Variants in RGS3 observed in about 807,000 individuals in gnomAD.
RGS3 encodes the protein regulator of G protein signaling 3.
Under a neutral mutation model 132.6 loss-of-function variants are expected in RGS3, and 80 were observed. The ratio of observed to expected loss-of-function variants is 0.60; its 90% CI spans 0.50 to 0.73. The LOEUF is 0.73. Among genes scored for constraint, RGS3 ranks in the 30% least tolerant of loss-of-function variants. The pLI is 0.00. For synonymous variants in RGS3, 598 were observed against 620.6 expected (o/e 0.96, Z 0.54); for missense variants, 1,382 against 1,530.8 (o/e 0.90, Z 1.62).
chr9:113,492,314 C>T (rs1325430371), intron 7 of RGS3, among the ~76,000 whole-genome samples: 1 of 152,198 alleles, frequency 6.6e-6, no homozygotes, highest in Non-Finnish European at 1.5e-5. Context: ...TCTTCATTCT[C>T]TCTGGCTCAG....
In RGS3 at chr9:113,479,418, C is replaced by G. The variant is rs1352994418; in HGVS notation, c.416-73C>G. 4.3e-5 allele frequency: 61 copies of G among 1,414,072 alleles called. 1 individual carries two copies. In the East Asian group the frequency reaches 1.4e-3, roughly 32 times the overall value. 87.6% of individuals were successfully genotyped at this position (1,414,072 alleles called of 1,614,324 possible). A position where few individuals can be genotyped will look rare whatever the true frequency, so the allele number is the denominator to read the frequency against. On this transcript the variant is annotated intron_variant, in intron 3 of 24. Coordinates refer to ENST00000350696, the Ensembl canonical transcript of RGS3. ...CATGAACAAAAGAGCATTTCTGTCA[C>G]CTTTCCTCTAGTTTTTTCCACCACA...
chr9:113,556,467 C>A (rs1203023436), intron 19 of RGS3, among the ~76,000 whole-genome samples: 1 of 152,108 alleles, frequency 6.6e-6, no homozygotes, highest in Non-Finnish European at 1.5e-5. Context: ...ATATAATCTT[C>A]CCAGCACTAT....
At chr9:113,551,651 C>T (rs1392491536) in intron 19 of RGS3, among the ~76,000 whole-genome samples, 4 of 152,048 alleles carry the variant, frequency 2.6e-5, no homozygotes, top group African/African-American at 9.7e-5. Context: ...GAGTTCAAGA[C>T]CAGCCTGGGC....
In RGS3 at chr9:113,565,765, G is replaced by A. The variant is rs1172591998; in HGVS notation, c.2038-17685G>A. 4.9e-6 allele frequency: 1 copy of A among 203,290 alleles called. No homozygotes were observed. The highest frequency in any genetic ancestry group is 1.0e-5 in the Non-Finnish European group (1 of 97,638). The allele number at this position is 203,290 out of a possible 1,614,324, so 12.6% of individuals were successfully genotyped here. On this transcript the variant is annotated intron_variant, in intron 19 of 24. Coordinates refer to ENST00000350696, the Ensembl canonical transcript of RGS3. The surrounding 1 kb of genome is among the most constrained non-coding windows in gnomAD (Gnocchi z 5.7). ...TTGGTGACAGGACTGTGTGTGTGGT[G>A]GGCGGGCATCCAAGCCACCCTGTGC...
At chr9:113,570,627 A>G (rs1834241755) in intron 19 of RGS3, among the ~76,000 whole-genome samples, 1 of 152,032 alleles carries the variant, frequency 6.6e-6, no homozygotes, top group East Asian at 1.9e-4. Context: ...TTTAGTTACT[A>G]TGACCTCAAA....
intron 1 of RGS3, among the ~76,000 whole-genome samples, chr9:113,454,865 A>G (rs923496049): frequency 2.0e-5 from 3 of 152,024 alleles, no homozygotes; most frequent in Non-Finnish European, 4.4e-5. Flanking sequence ...TGAGCTTTAA[A>G]GATTGTTCCC....
chr9:113,507,643 G>A lies in RGS3; in HGVS notation c.1437+5G>A, dbSNP rs1014036769. The A allele has an allele frequency of 6.2e-6, 9 of 1,454,676 alleles. No homozygotes were observed. Among genetic ancestry groups the A allele is most frequent in the South Asian group, 1.5e-5 (1 of 68,380 alleles). 90.1% of individuals were successfully genotyped at this position (1,454,676 alleles called of 1,614,324 possible). A position where few individuals can be genotyped will look rare whatever the true frequency, so the allele number is the denominator to read the frequency against. On this transcript the variant is annotated splice_donor_5th_base_variant and intron_variant, in intron 13 of 24. Transcript: ENST00000350696. The surrounding 1 kb of genome is among the most constrained non-coding windows in gnomAD (Gnocchi z 5.0). The stretch of plus-strand genomic sequence containing the variant: ...CCGCTGAATCCTGGGAGCCAGGTAC[G>A]GACAGCTGGTGTGGGGAAGGTGAAG...
At chr9:113,475,783 T>TGG (rs140448594) in intron 3 of RGS3, among the ~76,000 whole-genome samples, 4 of 151,276 alleles carry the variant, frequency 2.6e-5, no homozygotes, top group African/African-American at 9.7e-5. Flanking sequence ...GGAGGTTGGG[T>TGG]GGGGGGGGTG....
chr9:113,459,896 C>T (rs578185154), upstream of RGS3, among the ~76,000 whole-genome samples: 5 of 151,946 alleles, frequency 3.3e-5, no homozygotes, highest in East Asian at 7.8e-4. Context: ...AAAAATTAGC[C>T]GGGCATGGTA....
chr9:113,553,441 T>TAAAAAAAAAAAAAAAA (rs66536651), intron 19 of RGS3, among the ~76,000 whole-genome samples: 1 of 20,424 alleles, frequency 4.9e-5, no homozygotes, highest in Non-Finnish European at 8.3e-5. Flanking sequence ...AAACTCTGTT[T>TAAAAAAAAAAAAAAAA]AAAAAAAAAA....
At chr9:113,553,459 A>AAAAAAAAAAAAAAAAAAT (rs1426114805) in intron 19 of RGS3, among the ~76,000 whole-genome samples, 2 of 58,706 alleles carry the variant, frequency 3.4e-5, no homozygotes, top group Non-Finnish European at 6.0e-5. Context: ...AAAAAAAAAA[A>AAAAAAAAAAAAAAAAAAT]ATATATATAT....
At position 113,507,043 on chromosome 9, in the gene RGS3, A is replaced by C. The variant is rs1161216527; in HGVS notation, c.1086-244A>C. Among the ~76,000 whole-genome samples the C allele has an allele frequency of 6.6e-6, 1 of 152,136 alleles. No individual in the cohort carries two copies. Among genetic ancestry groups the C allele is most frequent in the Non-Finnish European group, 1.5e-5 (1 of 68,032 alleles). ...TTGAGTATGGAACTCTTTCCTGTTG[A>C]AACTGGCCTGGCCTCAGGGTCCTTC... On this transcript the variant is annotated intron_variant, in intron 12 of 24. Coordinates refer to ENST00000350696, the Ensembl canonical transcript of RGS3. This position sits in a 1 kb window ranked among gnomAD's most constrained non-coding sequence, Gnocchi z 5.0.
chr9:113,456,386 A>G (rs112024399), upstream of RGS3, among the ~76,000 whole-genome samples: 758 of 152,240 alleles, frequency 5.0e-3, 3 homozygotes, highest in Non-Finnish European at 8.9e-3. Flanking sequence ...GAACTCATCC[A>G]TTCTCCCCTC....
In RGS3 at chr9:113,475,554, C is replaced by T. The variant is rs1334630851; in HGVS notation, c.416-3937C>T. ...CCAAGTAGCTGAGACTACAGGCACG[C>T]ACCACGGTGCCCGGCTATTTTTTTA... On this transcript the variant is annotated intron_variant, in intron 3 of 24. Coordinates refer to ENST00000350696, the Ensembl canonical transcript of RGS3. 2.0e-5 allele frequency among the ~76,000 whole-genome samples: 3 copies of T among 152,230 alleles called. No individual in the cohort carries two copies. The East Asian group carries it at 5.8e-4, about 29-fold the overall frequency.
intron 1 of RGS3, among the ~76,000 whole-genome samples, chr9:113,453,018 T>A (rs1564437265): frequency 1.5e-5 from 2 of 132,020 alleles, no homozygotes; most frequent in African/African-American, 2.8e-5. Context: ...ATATTATATT[T>A]TATATATAAT....
At chr9:113,563,427 G>T (rs559958949) in intron 19 of RGS3, among the ~76,000 whole-genome samples, 1 of 152,174 alleles carries the variant, frequency 6.6e-6, no homozygotes, top group Non-Finnish European at 1.5e-5. Flanking sequence ...CACCTCTGAC[G>T]TGAAGGAATC....
At chr9:113,573,802 C>G (rs1357827629) in intron 19 of RGS3, among the ~76,000 whole-genome samples, 3 of 152,286 alleles carry the variant, frequency 2.0e-5, no homozygotes, top group East Asian at 3.9e-4. Context: ...TCTGGTATTG[C>G]TCTCCACTGC....
chr9:113,575,074 T>C (rs954622589), intron 19 of RGS3, among the ~76,000 whole-genome samples: 8 of 151,880 alleles, frequency 5.3e-5, no homozygotes, highest in African/African-American at 1.9e-4. Flanking sequence ...GGTGAGGGGG[T>C]GACAGGGCAG....
chr9:113,458,077 A>C (rs912528035), upstream of RGS3, among the ~76,000 whole-genome samples: 7 of 152,192 alleles, frequency 4.6e-5, no homozygotes, highest in African/African-American at 1.7e-4. Context: ...CAAATCCCAC[A>C]GTGTATGCAT....
Sources: allele counts gnomAD v4.1 joint callset (sites outside exome capture counted in the v4.1 genomes callset), GRCh38; gene constraint gnomAD v4.1.1; non-coding constraint Gnocchi (gnomAD v3.1); transcripts MANE v1.5; gene names NCBI Gene and HGNC (gene_info 2026-07-23, HGNC 2026-07-21).